Variants in RARB observed in about 807,000 individuals in gnomAD.
RARB encodes the protein retinoic acid receptor beta.
RARB carries 17 observed loss-of-function variants against 51.9 expected under a neutral mutation model. The ratio of observed to expected loss-of-function variants is 0.33; its 90% CI spans 0.22 to 0.49. The LOEUF (loss-of-function observed/expected upper bound fraction) is 0.49, where lower values mean the gene tolerates loss of function less well. RARB is among the 20% of genes least tolerant of loss of function. The probability of loss-of-function intolerance (pLI) is 0.99; values close to 1 mark genes in which losing one functional copy is unlikely to be tolerated. For missense variants in RARB, 369 were observed against 550.8 expected, an observed-to-expected ratio of 0.67 and a Z score of 3.30; for synonymous variants, 215 against 195.4, an observed-to-expected ratio of 1.10 and a Z score of -0.84.
chr3:25,217,940 A>G (rs1265324658), intron 5 of RARB, among the ~76,000 whole-genome samples: 1 of 152,194 alleles, frequency 6.6e-6, no homozygotes, highest in Non-Finnish European at 1.5e-5. Flanking sequence ...AACATGTTCA[A>G]AGATTTAAGC....
chr3:25,300,479 A>T (rs1337696352), intron 5 of RARB, among the ~76,000 whole-genome samples: 4 of 152,206 alleles, frequency 2.6e-5, no homozygotes, highest in Non-Finnish European at 5.9e-5. Flanking sequence ...TTTTTGATCC[A>T]TTGAAGAGGC....
At chr3:24,851,264 C>T (rs1702551655) in intron 1 of RARB, among the ~76,000 whole-genome samples, 1 of 151,770 alleles carries the variant, frequency 6.6e-6, no homozygotes, top group Non-Finnish European at 1.5e-5. Context: ...CCTGCCTCTA[C>T]AAAATATAAA....
chr3:25,095,669 C>T (rs1699280722), intron 3 of RARB, among the ~76,000 whole-genome samples: 1 of 151,840 alleles, frequency 6.6e-6, no homozygotes, highest in Non-Finnish European at 1.5e-5. Flanking sequence ...TTGCGAACAG[C>T]AAGAATAAAA....
At chr3:25,017,716 G>A (rs1697546226) in intron 2 of RARB, among the ~76,000 whole-genome samples, 1 of 152,148 alleles carries the variant, frequency 6.6e-6, no homozygotes, top group South Asian at 2.1e-4. Flanking sequence ...TCTAAACTTA[G>A]TGCCTCTGAA....
intron 4 of RARB, among the ~76,000 whole-genome samples, chr3:25,143,496 A>C (rs1700141848): frequency 6.6e-6 from 1 of 152,192 alleles, no homozygotes; most frequent in South Asian, 2.1e-4. Context: ...GTAGGGAGGC[A>C]TTCCAAAGGT....
At chr3:25,067,606 T>A (rs1698687655) in intron 3 of RARB, among the ~76,000 whole-genome samples, 1 of 152,238 alleles carries the variant, frequency 6.6e-6, no homozygotes, top group South Asian at 2.1e-4. Flanking sequence ...ATGTGTTATC[T>A]GTTATCCCTA....
chr3:25,334,439 A>G (rs1705000948), intron 5 of RARB, among the ~76,000 whole-genome samples: 1 of 152,188 alleles, frequency 6.6e-6, no homozygotes, highest in Non-Finnish European at 1.5e-5. Flanking sequence ...ACAGAAAAGC[A>G]AACACCGCAT....
chr3:25,168,898 C>G (rs1700599828), intron 4 of RARB, among the ~76,000 whole-genome samples: 1 of 152,072 alleles, frequency 6.6e-6, no homozygotes, highest in Admixed American at 6.5e-5. Context: ...AAGTGCATAA[C>G]ACAATGAAGC....
At chr3:25,567,038 A>T (rs1002019982) in intron 3 of RARB, among the ~76,000 whole-genome samples, 3 of 152,104 alleles carry the variant, frequency 2.0e-5, no homozygotes, top group Non-Finnish European at 4.4e-5. Context: ...CTGTGTTTTA[A>T]TGTAGCTGTA....
intron 2 of RARB, among the ~76,000 whole-genome samples, chr3:24,939,660 G>A (rs1695618796): frequency 6.6e-6 from 1 of 152,146 alleles, no homozygotes; most frequent in Non-Finnish European, 1.5e-5. Context: ...CAGATGAACT[G>A]TTCTGGTGAT....
intron 2 of RARB, among the ~76,000 whole-genome samples, chr3:25,469,419 G>A (rs1695588822): frequency 6.6e-6 from 1 of 152,046 alleles, no homozygotes; most frequent in African/African-American, 2.4e-5. Context: ...CTGTTTTAGG[G>A]GTTTGCTGCA....
At chr3:25,559,681 T>G (rs1169853790) in intron 3 of RARB, among the ~76,000 whole-genome samples, 2 of 152,152 alleles carry the variant, frequency 1.3e-5, no homozygotes, top group Non-Finnish European at 2.9e-5. Context: ...GTTAATTGGT[T>G]GGATCGATGG....
At chr3:25,109,857 C>A (rs924002532) in intron 3 of RARB, among the ~76,000 whole-genome samples, 1 of 152,216 alleles carries the variant, frequency 6.6e-6, no homozygotes, top group Non-Finnish European at 1.5e-5. Flanking sequence ...CCAGCACCTA[C>A]CAGGTGGACT....
At position 25,008,403 on chromosome 3, in the gene RARB, C is replaced by T. The variant is rs1193336025; in HGVS notation, c.-379-51722C>T. Among the ~76,000 whole-genome samples the T allele has an allele frequency of 3.3e-5, 5 of 152,264 alleles. No individual in the cohort carries two copies. In the South Asian group the frequency reaches 1.0e-3, roughly 32 times the overall value. On this transcript the variant is annotated intron_variant, in intron 2 of 11. Transcript: ENST00000383772. ...TGCCTGCTCACCTTCAGGAACTTGGCTTCTGAAATCCTAGCTGTCATATAG... is the reference window on the plus strand; with the variant it reads ...TGCCTGCTCACCTTCAGGAACTTGGTTTCTGAAATCCTAGCTGTCATATAG...
At chr3:25,114,748 A>T (rs1699658181) in intron 3 of RARB, among the ~76,000 whole-genome samples, 1 of 152,190 alleles carries the variant, frequency 6.6e-6, no homozygotes, top group Non-Finnish European at 1.5e-5. Context: ...CCTTCTGTTG[A>T]CACCTCTGGC....
intron 3 of RARB, among the ~76,000 whole-genome samples, chr3:25,520,263 CGCCAAATATATGT>C (rs1698347513): frequency 6.6e-6 from 1 of 152,290 alleles, no homozygotes; most frequent in East Asian, 1.9e-4. Context: ...TTTAGTTCCA[CGCCAAATATATGT>C]GCAATTTGTA....
intron 3 of RARB, among the ~76,000 whole-genome samples, chr3:25,061,617 T>C (rs62228521): frequency 0.066 from 9,973 of 151,886 alleles, 421 homozygotes; most frequent in Non-Finnish European, 0.1. Context: ...TTGCTTTTTA[T>C]TCAGAGCTAG....
At chr3:25,440,452 T>TA (rs556626025) in intron 1 of RARB, among the ~76,000 whole-genome samples, 6,382 of 125,876 alleles carry the variant, frequency 0.051, 177 homozygotes, top group Non-Finnish European at 0.07. Context: ...GTCTAAAAAA[T>TA]AAAAAAAAAA....
chr3:25,199,955 A>G (rs1701348848), intron 5 of RARB, among the ~76,000 whole-genome samples: 2 of 152,146 alleles, frequency 1.3e-5, no homozygotes, highest in African/African-American at 2.4e-5. Context: ...CTTTGGGTAT[A>G]CGCCCAGTAA....
Sources: allele counts gnomAD v4.1 joint callset (sites outside exome capture counted in the v4.1 genomes callset), GRCh38; gene constraint gnomAD v4.1.1; transcripts MANE v1.5; gene names NCBI Gene and HGNC (gene_info 2026-07-23, HGNC 2026-07-21).